GARIN2: variants seen among roughly 807,000 people sequenced by gnomAD.
The protein encoded by GARIN2 is Golgi-associated RAB2 interactor protein 2.
the GARIN2 span, among the ~76,000 whole-genome samples, chr14:67,190,735 A>G: frequency 1.3e-5 from 2 of 152,232 alleles, no homozygotes; most frequent in African/African-American, 4.8e-5. Flanking sequence ...CACAACAGTT[A>G]GACTCCTGCA....
chr14:67,204,470 T>A, the GARIN2 span: 83 of 1,469,082 alleles, frequency 5.6e-5, 1 homozygote, highest in South Asian at 1.2e-3. Flanking sequence ...TATATATATA[T>A]AAGAAAGGCC....
chr14:67,193,220 C>A, the GARIN2 span, among the ~76,000 whole-genome samples: 1 of 137,084 alleles, frequency 7.3e-6, no homozygotes, highest in African/African-American at 2.7e-5. Context: ...AGACATCTAT[C>A]TATATATCTC....
the GARIN2 span, among the ~76,000 whole-genome samples, chr14:67,211,805 T>C: frequency 6.6e-6 from 1 of 151,942 alleles, no homozygotes; most frequent in Non-Finnish European, 1.5e-5. Flanking sequence ...GATCAAGCCA[T>C]TGCACTCCAG....
the GARIN2 span, among the ~76,000 whole-genome samples, chr14:67,196,431 A>G: frequency 6.6e-6 from 1 of 152,102 alleles, no homozygotes; most frequent in African/African-American, 2.4e-5. Flanking sequence ...TGGCCAGGCC[A>G]GGCTGATCTT....
the GARIN2 span, among the ~76,000 whole-genome samples, chr14:67,213,992 G>A: frequency 6.6e-5 from 10 of 152,208 alleles, no homozygotes; most frequent in Non-Finnish European, 8.8e-5. Flanking sequence ...CATGTCCTTC[G>A]CCCACTTTTT....
At chr14:67,219,082 G>A in the GARIN2 span, among the ~76,000 whole-genome samples, 2 of 152,024 alleles carry the variant, frequency 1.3e-5, no homozygotes, top group Non-Finnish European at 2.9e-5. Flanking sequence ...TCAAGCAGCA[G>A]TTTGGCTCAC....
At chr14:67,198,297 A>T in the GARIN2 span, 1 of 1,613,478 alleles carries the variant, frequency 6.2e-7, no homozygotes, top group Non-Finnish European at 8.5e-7. Flanking sequence ...ATCTCCTCCC[A>T]TGTTAGAGAG....
At chr14:67,203,268 C>T in the GARIN2 span, 2 of 1,598,448 alleles carry the variant, frequency 1.3e-6, no homozygotes, top group South Asian at 2.3e-5. Flanking sequence ...GACATCTCCT[C>T]CTGCAGAGAA....
chr14:67,198,208 A>G, the GARIN2 span: 5 of 1,613,918 alleles, frequency 3.1e-6, no homozygotes, highest in South Asian at 5.5e-5. Flanking sequence ...AATAAGCAAG[A>G]TGCTCTCTGC....
chr14:67,211,597 A>C, the GARIN2 span, among the ~76,000 whole-genome samples: 8 of 152,226 alleles, frequency 5.3e-5, no homozygotes, highest in Admixed American at 5.2e-4. Flanking sequence ...TTATTTTAAC[A>C]CAGGAAAATT....
At chr14:67,211,312 A>T in the GARIN2 span, among the ~76,000 whole-genome samples, 2 of 151,908 alleles carry the variant, frequency 1.3e-5, no homozygotes, top group Non-Finnish European at 3.0e-5. Context: ...AAACTGAACA[A>T]AAAAAACCTA....
At chr14:67,220,645 A>T in the GARIN2 span, among the ~76,000 whole-genome samples, 1 of 152,168 alleles carries the variant, frequency 6.6e-6, no homozygotes, top group African/African-American at 2.4e-5. Context: ...TCATATCTTG[A>T]CAGTAGTCCT....
At chr14:67,202,686 C>A in the GARIN2 span, among the ~76,000 whole-genome samples, 1 of 152,120 alleles carries the variant, frequency 6.6e-6, no homozygotes, top group Non-Finnish European at 1.5e-5. Flanking sequence ...TGCTACTTGT[C>A]TTTTATGTCA....
At chr14:67,198,221 C>T in the GARIN2 span, 1 of 1,613,846 alleles carries the variant, frequency 6.2e-7, no homozygotes, top group South Asian at 1.1e-5. Context: ...CTCTCTGCAC[C>T]CCACACTCCC....
At chr14:67,193,028 C>T in the GARIN2 span, among the ~76,000 whole-genome samples, 1 of 144,196 alleles carries the variant, frequency 6.9e-6, no homozygotes, top group Non-Finnish European at 1.5e-5. Context: ...ATAGATATAT[C>T]TCTATCAATA....
chr14:67,223,597 T>G, the GARIN2 span: 1 of 444,026 alleles, frequency 2.3e-6, no homozygotes, highest in Non-Finnish European at 3.0e-6. Context: ...AAAATTCCAC[T>G]CTGGGCTTGT....
the GARIN2 span, among the ~76,000 whole-genome samples, chr14:67,197,830 C>T: frequency 6.6e-6 from 1 of 152,128 alleles, no homozygotes; most frequent in Admixed American, 6.5e-5. Context: ...GTGTCTCCAG[C>T]CCTATACTCT....
chr14:67,198,185 T>A, the GARIN2 span: 6 of 1,613,542 alleles, frequency 3.7e-6, no homozygotes, highest in Non-Finnish European at 5.1e-6. Context: ...CCAGCAAGAC[T>A]ACCATGAGGA....
At chr14:67,223,867 C>T in the GARIN2 span, 1 of 985,728 alleles carries the variant, frequency 1.0e-6, no homozygotes, top group Non-Finnish European at 1.2e-6. Context: ...ACACCCTGTA[C>T]CCCAAGAAAA....
Sources: allele counts gnomAD v4.1 joint callset (sites outside exome capture counted in the v4.1 genomes callset), GRCh38; gene constraint gnomAD v4.1.1; transcripts MANE v1.5; gene names NCBI Gene and HGNC (gene_info 2026-07-23, HGNC 2026-07-21).